The following KLHL13 variants were observed in gnomAD, a reference collection of about 807,000 sequenced individuals.
KLHL13 encodes the protein kelch like family member 13, also known as kelch-like protein 13.
In KLHL13, 10 loss-of-function variants were observed where a neutral mutation model predicts 37.1. That is an observed-to-expected ratio of 0.27 (90% CI 0.17 to 0.46). The LOEUF (loss-of-function observed/expected upper bound fraction) is 0.46, where lower values mean the gene tolerates loss of function less well. Ranked by LOEUF, KLHL13 falls within the 20% of genes least tolerant of loss-of-function variation. KLHL13 has a pLI of 1.00. For missense variants in KLHL13, 360 were observed against 509.3 expected, an observed-to-expected ratio of 0.71 and a Z score of 2.82; for synonymous variants, 163 against 181.2, an observed-to-expected ratio of 0.90 and a Z score of 0.81.
chrX:117,916,193 T>C (rs1388191383), intron 4 of KLHL13, among the ~76,000 whole-genome samples: 1 of 110,519 alleles, frequency 9.0e-6, no homozygotes, highest in African/African-American at 3.3e-5. Flanking sequence ...AAAAAAACAC[T>C]AGCTAATGGG....
intron 1 of KLHL13, among the ~76,000 whole-genome samples, chrX:118,082,828 C>T (rs1156985649): frequency 2.7e-5 from 3 of 111,384 alleles, no homozygotes; most frequent in Middle Eastern, 4.6e-3. Flanking sequence ...TATCCTATTT[C>T]CCCCAGCACC....
intron 1 of KLHL13, among the ~76,000 whole-genome samples, chrX:118,063,363 C>G (rs2054761863): frequency 9.0e-6 from 1 of 110,886 alleles, no homozygotes; most frequent in Admixed American, 9.6e-5. Context: ...TAATAAGCTC[C>G]CATCCTGTCT....
At chrX:118,019,710 T>C (rs1367905020) in intron 1 of KLHL13, among the ~76,000 whole-genome samples, 7 of 110,371 alleles carry the variant, frequency 6.3e-5, no homozygotes, top group Admixed American at 5.8e-4. Flanking sequence ...TTTCTACATA[T>C]GGCTAGCCAG....
At chrX:117,911,895 T>G in intron 4 of KLHL13, among the ~76,000 whole-genome samples, 3 of 112,036 alleles carry the variant, frequency 2.7e-5, no homozygotes, top group Middle Eastern at 9.1e-3. Flanking sequence ...GCTACATATT[T>G]TTAAAATACC....
At chrX:117,920,116 T>C in intron 3 of KLHL13, 122 bp downstream of exon 4, 2 of 702,426 alleles carry the variant, frequency 2.8e-6, no homozygotes, top group Non-Finnish European at 4.3e-6. Context: ...TACATACTGT[T>C]GTGTACTTCT....
At chrX:118,029,802 C>G (rs2054316196) in intron 1 of KLHL13, among the ~76,000 whole-genome samples, 1 of 109,942 alleles carries the variant, frequency 9.1e-6, no homozygotes, top group African/African-American at 3.3e-5. Context: ...CACCCCGTCT[C>G]TATAAAAATA....
At chrX:117,940,308 T>A (rs1932951994) in intron 2 of KLHL13, among the ~76,000 whole-genome samples, 1 of 111,789 alleles carries the variant, frequency 8.9e-6, no homozygotes, top group African/African-American at 3.3e-5. Context: ...TATATATCTG[T>A]TTTGGTACCA....
exon 7 of KLHL13, chrX:117,897,979 AAGG>A (rs1224870252): frequency 8.9e-6 from 1 of 111,923 alleles, no homozygotes; most frequent in Non-Finnish European, 1.9e-5. Context: ...AGCAAAGGAG[AAGG>A]AGTAGAATAC....
At chrX:117,950,459 TC>T (rs2147818555) in intron 1 of KLHL13, among the ~76,000 whole-genome samples, 1 of 110,991 alleles carries the variant, frequency 9.0e-6, no homozygotes, top group Non-Finnish European at 1.9e-5. Context: ...AGAGTGAAAC[TC>T]CATCTCAAAA....
chrX:117,899,485 C>T (rs968446247), intron 6 of KLHL13, 90 bp from the exon 8 acceptor site: 1 of 685,310 alleles, frequency 1.5e-6, no homozygotes, highest in Non-Finnish European at 2.2e-6. Context: ...CTTTTAGTCA[C>T]ATATTATGAC....
intron 1 of KLHL13, among the ~76,000 whole-genome samples, chrX:117,962,166 T>C (rs772640973): frequency 9.5e-6 from 1 of 105,601 alleles, no homozygotes; most frequent in Non-Finnish European, 1.9e-5. Flanking sequence ...GCCATGATCA[T>C]GCCACTGTAC....
chrX:118,014,664 T>C (rs764962951), intron 1 of KLHL13, among the ~76,000 whole-genome samples: 14 of 112,572 alleles, frequency 1.2e-4, no homozygotes, highest in African/African-American at 4.2e-4. Flanking sequence ...CCTGACGATA[T>C]GTGACTTCGC....
chrX:117,997,495 A>G (rs1569436309), intron 1 of KLHL13, among the ~76,000 whole-genome samples: 1 of 112,375 alleles, frequency 8.9e-6, no homozygotes. Flanking sequence ...AAACAAATGA[A>G]CAAAAATCTG....
intron 1 of KLHL13, among the ~76,000 whole-genome samples, chrX:118,084,902 C>A (rs979516065): frequency 1.5e-4 from 16 of 109,463 alleles, no homozygotes; most frequent in Non-Finnish European, 2.7e-4. Flanking sequence ...GCATGTGGTG[C>A]GGTCCCAGCT....
intron 1 of KLHL13, among the ~76,000 whole-genome samples, chrX:118,060,344 G>C (rs1465062661): frequency 9.0e-6 from 1 of 111,101 alleles, no homozygotes; most frequent in East Asian, 2.8e-4. Context: ...GCATATTATT[G>C]AGTATAAAGG....
At chrX:118,005,903 T>A (rs751673483) in intron 1 of KLHL13, among the ~76,000 whole-genome samples, 2 of 112,452 alleles carry the variant, frequency 1.8e-5, no homozygotes, top group South Asian at 7.4e-4. Flanking sequence ...ATTTTAGCAG[T>A]CTTTTCTAGG....
intron 1 of KLHL13, 178 bp from the exon 3 acceptor site, chrX:117,945,753 G>C: frequency 2.5e-6 from 1 of 394,181 alleles, no homozygotes; most frequent in Admixed American, 4.5e-5. Flanking sequence ...ATGTATATTT[G>C]TAAAATGGTT....
In KLHL13 at chrX:117,913,744, G is replaced by A. The variant is rs201137544; in HGVS notation, c.571-3648C>T. ...TGTATTCCCAGCTACCTGGGAGGCT[G>A]AGGCAGGAGAATCACTTGAACCCGG... On this transcript the variant is annotated intron_variant, in intron 4 of 6. Coordinates refer to ENST00000262820, the Ensembl canonical transcript of KLHL13. Among the ~76,000 whole-genome samples, 20 of 109,599 alleles carry A rather than the reference G, an allele frequency of 1.8e-4. No homozygotes were observed. The East Asian group carries it at 4.9e-3, about 27-fold the overall frequency.
chrX:117,945,343 A>T, intron 2 of KLHL13, 91 bp downstream of exon 3: 1 of 924,426 alleles, frequency 1.1e-6, no homozygotes, highest in African/African-American at 1.9e-5. Flanking sequence ...CACACCCACA[A>T]CCTCCTCCAC....
Sources: gnomAD v4.1 joint callset for allele counts (sites outside exome capture counted in the v4.1 genomes callset) on GRCh38, gnomAD v4.1.1 for gene constraint, MANE v1.5 for transcripts, NCBI Gene and HGNC (gene_info 2026-07-23, HGNC 2026-07-21) for gene names.